Variants in PPP2R2D observed in about 807,000 individuals in gnomAD.
PPP2R2D encodes the protein protein phosphatase 2 regulatory subunit Bdelta, also known as serine/threonine-protein phosphatase 2A 55 kDa regulatory subunit B delta isoform.
PPP2R2D carries 9 observed loss-of-function variants against 31.1 expected under a neutral mutation model. The ratio of observed to expected loss-of-function variants is 0.29; its 90% CI spans 0.17 to 0.51. The LOEUF is 0.51. Ranked by LOEUF, PPP2R2D falls within the 20% of genes least tolerant of loss-of-function variation. PPP2R2D has a pLI of 0.98. For missense variants in PPP2R2D, 391 were observed against 465.6 expected (o/e 0.84, Z 1.48); for synonymous variants, 179 against 172.6 (o/e 1.04, Z -0.29).
At chr10:131,969,515 C>T in the PPP2R2D span, 1 of 152,218 alleles carries the variant, frequency 6.6e-6, no homozygotes, top group Non-Finnish European at 1.5e-5. Context: ...AGAATGTGCC[C>T]AAGAGCTAGG....
the PPP2R2D span, chr10:131,970,904 T>C: frequency 6.2e-7 from 1 of 1,614,178 alleles, no homozygotes; most frequent in Non-Finnish European, 8.5e-7. The surrounding 1 kb of genome is among the most constrained non-coding windows in gnomAD (Gnocchi z 4.1). Context: ...CAATCCCATA[T>C]CCAATCTGAG....
chr10:131,954,332 G>A (rs1554899576), intron 8 of PPP2R2D, among the ~76,000 whole-genome samples: 1 of 152,238 alleles, frequency 6.6e-6, no homozygotes, highest in African/African-American at 2.4e-5. Context: ...AATGGTTACT[G>A]TTGAGTTTTA....
chr10:131,967,656 G>A, the PPP2R2D span: 179 of 152,756 alleles, frequency 1.2e-3, no homozygotes, highest in Non-Finnish European at 1.2e-3. Flanking sequence ...CATGACGTCT[G>A]ATTTTAAACC....
chr10:131,930,196 A>ATGCTTAGTT (rs1375662790), intron 2 of PPP2R2D, among the ~76,000 whole-genome samples: 1 of 152,062 alleles, frequency 6.6e-6, no homozygotes, highest in Non-Finnish European at 1.5e-5. Flanking sequence ...ATTTTCTCAT[A>ATGCTTAGTT]TGCTTAGTTA....
intron 2 of PPP2R2D, among the ~76,000 whole-genome samples, chr10:131,914,680 T>C (rs1286254817): frequency 6.6e-6 from 1 of 152,054 alleles, no homozygotes; most frequent in Non-Finnish European, 1.5e-5. Context: ...CTGTGACACA[T>C]TGGGTGAAAA....
chr10:131,902,775 G>GTC (rs2035521288), intron 2 of PPP2R2D, among the ~76,000 whole-genome samples: 1 of 152,124 alleles, frequency 6.6e-6, no homozygotes, highest in South Asian at 2.1e-4. Context: ...TGGAGACAGG[G>GTC]TCTCACTTTG....
intron 5 of PPP2R2D, among the ~76,000 whole-genome samples, chr10:131,943,720 G>A (rs1375808982): frequency 6.6e-6 from 1 of 152,236 alleles, no homozygotes; most frequent in Non-Finnish European, 1.5e-5. Flanking sequence ...CCTGCCAGCT[G>A]ATCTTCTCTT....
rs1206069662 is a variant in PPP2R2D at position 131,901,032 on chromosome 10, G to GCGGCGGCGC, written c.-109_-108insCCGGCGGCG. On this transcript the variant is annotated 5_prime_UTR_variant, in exon 1 of 9. Transcript: ENST00000455566. Reference sequence around the variant, plus strand: ...AAAAAATCCCTCCCCGGCGGCGGCGGCGGCGGCGGCGGCGCCGGCGGTGGT... The same window carrying GCGGCGGCGC: ...AAAAAATCCCTCCCCGGCGGCGGCGGCGGCGGCGCCGGCGGCGGCGGCGCCGGCGGTGGT... The GCGGCGGCGC allele has an allele frequency of 1.3e-5, 2 of 158,826 alleles. No homozygotes were observed. The highest frequency in any genetic ancestry group is 2.7e-5 in the Non-Finnish European group (2 of 74,664). The allele number at this position is 158,826 out of a possible 1,614,324, so 9.8% of individuals were successfully genotyped here. A position where few individuals can be genotyped will look rare whatever the true frequency, so the allele number is the denominator to read the frequency against.
chr10:131,907,080 G>A (rs1328429452), intron 2 of PPP2R2D, among the ~76,000 whole-genome samples: 3 of 152,012 alleles, frequency 2.0e-5, no homozygotes, highest in African/African-American at 7.2e-5. Context: ...ATACTAAGAT[G>A]TGGGGAAATG....
rs149316352 is a variant in PPP2R2D at position 131,936,184 on chromosome 10, G to T, written c.198+1629G>T. On this transcript the variant is annotated intron_variant, in intron 3 of 8. Transcript: ENST00000455566. ...TTTTTTTGAGATGGAGTCTTGCTCTGTCACCTGGGCTGGAGTGCAATGGCG... is the reference window on the plus strand; with the variant it reads ...TTTTTTTGAGATGGAGTCTTGCTCTTTCACCTGGGCTGGAGTGCAATGGCG... Among the ~76,000 whole-genome samples, 23 of 151,820 alleles carry T rather than the reference G, an allele frequency of 1.5e-4. 1 individual carries two copies. Among genetic ancestry groups the T allele is most frequent in the African/African-American group, 5.6e-4 (23 of 41,400 alleles).
intron 2 of PPP2R2D, among the ~76,000 whole-genome samples, chr10:131,924,962 A>G (rs1554894715): frequency 2.6e-5 from 4 of 152,066 alleles, no homozygotes; most frequent in Middle Eastern, 3.4e-3. Context: ...TGAATTTTTC[A>G]TTGCTAGGTG....
intron 5 of PPP2R2D, 65 bp from the exon 6 acceptor site, chr10:131,943,903 A>G (rs782521014): frequency 8.3e-6 from 6 of 726,440 alleles, no homozygotes; most frequent in East Asian, 2.5e-5. Context: ...GTTATCTACT[A>G]TAAGTGTTCT....
At chr10:131,903,775 C>T (rs2035539607) in intron 2 of PPP2R2D, among the ~76,000 whole-genome samples, 2 of 152,210 alleles carry the variant, frequency 1.3e-5, no homozygotes, top group Non-Finnish European at 1.5e-5. Context: ...GATACCGTTG[C>T]TTTGTATTAA....
At chr10:131,907,034 T>A in intron 2 of PPP2R2D, among the ~76,000 whole-genome samples, 1 of 152,138 alleles carries the variant, frequency 6.6e-6, no homozygotes. Flanking sequence ...TAATGTCTTT[T>A]ATATGTATAT....
At chr10:131,961,726 C>T (rs1447426200), downstream of PPP2R2D, among the ~76,000 whole-genome samples, 1 of 152,176 alleles carries the variant, frequency 6.6e-6, no homozygotes, top group Non-Finnish European at 1.5e-5. Context: ...TGTGCTCTGG[C>T]GCCAGCACCC....
At position 131,916,330 on chromosome 10, in the gene PPP2R2D, A is replaced by ATTT. The variant is rs34461938; in HGVS notation, c.100+15014_100+15016dup. Among the ~76,000 whole-genome samples the ATTT allele has an allele frequency of 4.1e-3, 583 of 143,546 alleles. 3 individuals carry two copies. The highest frequency in any genetic ancestry group is 6.2e-3 in the Non-Finnish European group (412 of 66,014). 94.2% of individuals were successfully genotyped at this position (143,546 alleles called of 152,430 possible). ...GACACCCAGGTTGGCATAGATTGGG[A>ATTT]TTTTTTTTTTTTTTTTGAGGTCTAG... On this transcript the variant is annotated intron_variant, in intron 2 of 8. Transcript: ENST00000455566.
intron 2 of PPP2R2D, among the ~76,000 whole-genome samples, chr10:131,905,714 C>T (rs1237859734): frequency 6.6e-6 from 1 of 152,206 alleles, no homozygotes; most frequent in African/African-American, 2.4e-5. Flanking sequence ...GAGCAATTAA[C>T]CTGGGTCACA....
chr10:131,922,565 G>A (rs1315283306), intron 2 of PPP2R2D, among the ~76,000 whole-genome samples: 1 of 150,700 alleles, frequency 6.6e-6, no homozygotes, highest in Non-Finnish European at 1.5e-5. Context: ...CGATTCTCCT[G>A]CCTCAGTCCC....
intron 2 of PPP2R2D, among the ~76,000 whole-genome samples, chr10:131,920,689 A>G (rs1253748630): frequency 6.6e-6 from 1 of 152,144 alleles, no homozygotes; most frequent in Non-Finnish European, 1.5e-5. Context: ...GCACTTTGGG[A>G]GGCTGAGGTG....
Sources: gnomAD v4.1 joint callset for allele counts (sites outside exome capture counted in the v4.1 genomes callset) on GRCh38, gnomAD v4.1.1 for gene constraint, Gnocchi (gnomAD v3.1) non-coding constraint, MANE v1.5 for transcripts, NCBI Gene and HGNC (gene_info 2026-07-23, HGNC 2026-07-21) for gene names.